The following POU2F1 variants were observed in gnomAD, a reference collection of about 807,000 sequenced individuals.
POU2F1 encodes POU domain, class 2, transcription factor 1.
In POU2F1, 16 loss-of-function variants were observed where a neutral mutation model predicts 84.9. The observed-to-expected ratio is 0.19, with a 90% confidence interval of 0.13 to 0.29. The LOEUF (loss-of-function observed/expected upper bound fraction) is 0.29, where lower values mean the gene tolerates loss of function less well. POU2F1 is among the 10% of genes least tolerant of loss of function. The probability of loss-of-function intolerance (pLI) is 1.00; values close to 1 mark genes in which losing one functional copy is unlikely to be tolerated. For synonymous variants in POU2F1, 368 were observed against 368.3 expected, an observed-to-expected ratio of 1.00 and a Z score of 0.01; for missense variants, 738 against 942.6, an observed-to-expected ratio of 0.78 and a Z score of 2.84.
In POU2F1 at chr1:167,401,450, G is replaced by A; in HGVS notation, c.1450-1G>A. The A allele has an allele frequency of 6.2e-7, 1 of 1,606,770 alleles. No homozygotes were observed. Among genetic ancestry groups the A allele is most frequent in the East Asian group, 2.2e-5 (1 of 44,548 alleles). Reference sequence around the variant, plus strand: ...TCCATGTTTTCATTTCTGACCTCAAGGTGGCGACCACACCAAGCCTTGTGA... The same window carrying A: ...TCCATGTTTTCATTTCTGACCTCAAAGTGGCGACCACACCAAGCCTTGTGA... On this transcript the variant is annotated splice_acceptor_variant, in intron 12 of 15. Coordinates refer to ENST00000367866, the MANE Select transcript of POU2F1 (RefSeq NM_002697.4). LOFTEE classifies it high-confidence loss of function.
intron 1 of POU2F1, among the ~76,000 whole-genome samples, chr1:167,232,993 C>G (rs1331817765): frequency 1.3e-5 from 2 of 152,104 alleles, no homozygotes; most frequent in African/African-American, 4.8e-5. Flanking sequence ...TATTCGCTCA[C>G]TCGTCATTCA....
intron 2 of POU2F1, among the ~76,000 whole-genome samples, chr1:167,359,872 A>G (rs1414051034): frequency 7.5e-6 from 1 of 133,288 alleles, no homozygotes; most frequent in South Asian, 2.3e-4. Flanking sequence ...TTTACTTTTT[A>G]ATAATAGTCT....
intron 6 of POU2F1, 124 bp from the exon 7 acceptor site, chr1:167,375,904 GA>G: frequency 8.3e-7 from 1 of 1,199,128 alleles, no homozygotes; most frequent in Admixed American, 2.1e-5. Flanking sequence ...TTTGGAATAT[GA>G]AAGCATGCGA....
chr1:167,272,044 T>C (rs957183031), intron 1 of POU2F1, among the ~76,000 whole-genome samples: 10 of 152,228 alleles, frequency 6.6e-5, no homozygotes, highest in Non-Finnish European at 1.2e-4. Context: ...AGTTGAATAG[T>C]TGTGGCAGAG....
chr1:167,353,820 T>C (rs114173741), intron 2 of POU2F1, among the ~76,000 whole-genome samples: 2,389 of 152,342 alleles, frequency 0.016, 72 homozygotes, highest in African/African-American at 0.055. Flanking sequence ...GGCCATAAAG[T>C]AGAATGTTAC....
chr1:167,341,907 T>A (rs1369494182), intron 2 of POU2F1, among the ~76,000 whole-genome samples: 1 of 152,144 alleles, frequency 6.6e-6, no homozygotes, highest in Non-Finnish European at 1.5e-5. Context: ...GGGAAGATGA[T>A]CTTCCCCTAG....
At chr1:167,272,172 T>C (rs1652412300) in intron 1 of POU2F1, among the ~76,000 whole-genome samples, 1 of 152,218 alleles carries the variant, frequency 6.6e-6, no homozygotes, top group African/African-American at 2.4e-5. Context: ...ATACAGTTTT[T>C]TGTAAGACTA....
intron 1 of POU2F1, among the ~76,000 whole-genome samples, chr1:167,262,826 A>G (rs1414474506): frequency 1.3e-5 from 2 of 152,186 alleles, no homozygotes; most frequent in Non-Finnish European, 2.9e-5. Context: ...AACAGTGTGA[A>G]GCAAGGTCTG....
intron 15 of POU2F1, 53 bp downstream of exon 15, chr1:167,413,167 G>A: frequency 1.5e-6 from 1 of 658,958 alleles, no homozygotes; most frequent in South Asian, 2.2e-5. Flanking sequence ...GTGTGAGTGT[G>A]TGTGTGTGTG....
In POU2F1 at chr1:167,254,850, A is replaced by G. The variant is rs115985789; in HGVS notation, c.61+33892A>G. On this transcript the variant is annotated intron_variant, in intron 1 of 15. Coordinates refer to ENST00000367866, the MANE Select transcript of POU2F1 (RefSeq NM_002697.4). ...TTCCATTAGGTGATTTTTGTTGACT[A>G]TCATTAATAGCAATATGTAAGACTT... Among the ~76,000 whole-genome samples the G allele has an allele frequency of 2.1e-3, 314 of 152,336 alleles. 1 individual carries two copies. The highest frequency in any genetic ancestry group is 3.7e-3 in the Non-Finnish European group (254 of 68,030).
chr1:167,284,168 T>C (rs1215297040), intron 1 of POU2F1, among the ~76,000 whole-genome samples: 2 of 152,216 alleles, frequency 1.3e-5, no homozygotes. Context: ...CTCTAAACAG[T>C]ATATGTGTTA....
At chr1:167,288,184 A>T (rs1229886744) in intron 1 of POU2F1, among the ~76,000 whole-genome samples, 2 of 152,246 alleles carry the variant, frequency 1.3e-5, no homozygotes, top group African/African-American at 2.4e-5. Flanking sequence ...ATATATTGGT[A>T]GCCTGTGGGT....
In POU2F1 at chr1:167,412,299, G is replaced by A. The variant is rs768110135; in HGVS notation, c.1896G>A (p.Ala632=). ...NPSLMAPSQF[A]AGGALLSLNP... Reference sequence around the variant, plus strand: ...GCCTGATGGCACCCTCACAGTTTGCGGCTGGGTAAGGCGCTTTCTCATCTC... The same window carrying A: ...GCCTGATGGCACCCTCACAGTTTGCAGCTGGGTAAGGCGCTTTCTCATCTC... The change falls in exon 14 of 16, where the codon GCG becomes GCA. Residue 632 remains alanine (A), a synonymous_variant. Coordinates refer to ENST00000367866, the MANE Select transcript of POU2F1 (RefSeq NM_002697.4). 26 of 1,536,912 alleles carry A rather than the reference G, an allele frequency of 1.7e-5. No homozygotes were observed. The highest frequency in any genetic ancestry group is 5.5e-5 in the African/African-American group (4 of 72,818).
chr1:167,304,617 T>TA (rs1274688227), intron 1 of POU2F1, among the ~76,000 whole-genome samples: 8 of 152,212 alleles, frequency 5.3e-5, no homozygotes, highest in Non-Finnish European at 1.5e-5. Context: ...TGAGAAACCA[T>TA]ATATTCCTCC....
At chr1:167,326,427 A>G (rs552771769) in intron 1 of POU2F1, among the ~76,000 whole-genome samples, 3 of 152,352 alleles carry the variant, frequency 2.0e-5, no homozygotes, top group African/African-American at 7.2e-5. Context: ...TTGGACATAA[A>G]TGTGCCATGG....
chr1:167,399,383 G>T lies in POU2F1; in HGVS notation c.1449+18G>T. ...CTTCACTGGTAAGAATAAAAAATAG[G>T]GAGTGCAAGCTCAAGGGCTAATTTT... On this transcript the variant is annotated intron_variant, in intron 12 of 15. Coordinates refer to ENST00000367866, the MANE Select transcript of POU2F1 (RefSeq NM_002697.4). 1 of 1,592,024 alleles carries T rather than the reference G, an allele frequency of 6.3e-7. No homozygotes were observed. The highest frequency in any genetic ancestry group is 1.1e-5 in the South Asian group (1 of 87,408).
chr1:167,372,048 C>T lies in POU2F1; in HGVS notation c.402+12C>T, dbSNP rs542400332. The T allele has an allele frequency of 6.9e-6, 11 of 1,604,658 alleles. No homozygotes were observed. Among genetic ancestry groups the T allele is most frequent in the African/African-American group, 1.3e-5 (1 of 74,540 alleles). ...GACAGATAACTGGGGTAAGTGTTCACTGAGAGAATTATAACAAACTTTTTC... is the reference window on the plus strand; with the variant it reads ...GACAGATAACTGGGGTAAGTGTTCATTGAGAGAATTATAACAAACTTTTTC... On this transcript the variant is annotated intron_variant, in intron 5 of 15. Transcript: ENST00000367866.
At chr1:167,391,296 A>G (rs557103255) in intron 9 of POU2F1, among the ~76,000 whole-genome samples, 1 of 152,150 alleles carries the variant, frequency 6.6e-6, no homozygotes, top group Non-Finnish European at 1.5e-5. Context: ...TTTATGTAAA[A>G]TGGTATAAGA....
chr1:167,334,151 C>CTTT (rs57242474), intron 2 of POU2F1, among the ~76,000 whole-genome samples: 1 of 66,794 alleles, frequency 1.5e-5, no homozygotes, highest in Admixed American at 2.1e-4. Flanking sequence ...AACTACAACA[C>CTTT]TTTTTTTTTT....
Sources: allele counts gnomAD v4.1 joint callset (sites outside exome capture counted in the v4.1 genomes callset), GRCh38; gene constraint gnomAD v4.1.1; transcripts MANE v1.5; gene names NCBI Gene and HGNC (gene_info 2026-07-23, HGNC 2026-07-21).